SLC25A21: variants seen among roughly 807,000 people sequenced by gnomAD.
The protein encoded by SLC25A21 is solute carrier family 25 member 21.
Under a neutral mutation model 43.8 loss-of-function variants are expected in SLC25A21, and 47 were observed. The observed-to-expected ratio is 1.07, with a 90% confidence interval of 0.85 to 1.37. The LOEUF is 1.37. Ranked by LOEUF, SLC25A21 falls within the 40% of genes most tolerant of loss-of-function variation. The pLI is 0.00. For synonymous variants in SLC25A21, 131 were observed against 121.3 expected (o/e 1.08, Z -0.52); for missense variants, 352 against 350.2 (o/e 1.00, Z -0.04).
At chr14:37,031,321 T>C (rs1961206055) in intron 1 of SLC25A21, among the ~76,000 whole-genome samples, 1 of 152,198 alleles carries the variant, frequency 6.6e-6, no homozygotes, top group South Asian at 2.1e-4. Flanking sequence ...TTAAAGCCTT[T>C]CATGAAAAAA....
In SLC25A21 at chr14:36,678,524, T is replaced by A. The variant is rs1882019264; in HGVS notation, c.*2134A>T. On this transcript the variant is annotated 3_prime_UTR_variant, in exon 10 of 10. Coordinates refer to ENST00000331299, the MANE Select transcript of SLC25A21 (RefSeq NM_030631.4). ...GACTATAAACTGAATGGAACAAAGATCCAATCCAATATTTTGGTGGAGACT... is the reference window on the plus strand; with the variant it reads ...GACTATAAACTGAATGGAACAAAGAACCAATCCAATATTTTGGTGGAGACT... The A allele has an allele frequency of 2.0e-6, 3 of 1,536,886 alleles. No individual in the cohort carries two copies. In the South Asian group the frequency reaches 3.6e-5, roughly 18 times the overall value.
chr14:37,091,264 C>T (rs913932086), intron 1 of SLC25A21, among the ~76,000 whole-genome samples: 2 of 152,082 alleles, frequency 1.3e-5, no homozygotes, highest in African/African-American at 4.8e-5. Context: ...GAAACACCAT[C>T]TCTACTAAAA....
chr14:36,744,358 G>C (rs1885404555), intron 3 of SLC25A21, among the ~76,000 whole-genome samples: 1 of 152,130 alleles, frequency 6.6e-6, no homozygotes, highest in Non-Finnish European at 1.5e-5. Context: ...CAATGGAACA[G>C]AATAGAGAAC....
At chr14:37,056,923 T>TC in intron 1 of SLC25A21, among the ~76,000 whole-genome samples, 1 of 152,308 alleles carries the variant, frequency 6.6e-6, no homozygotes, top group African/African-American at 2.4e-5. Flanking sequence ...CTCATTTTTC[T>TC]CCCTAGAAGC....
chr14:37,068,705 G>A (rs1268441868), intron 1 of SLC25A21, among the ~76,000 whole-genome samples: 1 of 152,090 alleles, frequency 6.6e-6, no homozygotes, highest in African/African-American at 2.4e-5. Flanking sequence ...CTCAATTGAA[G>A]AATGTATTTA....
chr14:37,023,371 T>C (rs1163834398), intron 1 of SLC25A21, among the ~76,000 whole-genome samples: 1 of 151,966 alleles, frequency 6.6e-6, no homozygotes, highest in Non-Finnish European at 1.5e-5. Flanking sequence ...GCTCTAAGAA[T>C]GGAGTGTTTG....
intron 1 of SLC25A21, among the ~76,000 whole-genome samples, chr14:36,938,432 G>GT (rs1363030645): frequency 6.6e-6 from 1 of 152,094 alleles, no homozygotes; most frequent in Non-Finnish European, 1.5e-5. Context: ...GCAAAGTTCT[G>GT]TTTGAGACTC....
chr14:36,932,856 C>T (rs960778088), intron 1 of SLC25A21, among the ~76,000 whole-genome samples: 2 of 151,682 alleles, frequency 1.3e-5, no homozygotes, highest in Non-Finnish European at 2.9e-5. Flanking sequence ...TTGACTATTT[C>T]GTGACTCCAT....
intron 1 of SLC25A21, among the ~76,000 whole-genome samples, chr14:37,133,968 T>C (rs903960469): frequency 4.6e-5 from 7 of 152,132 alleles, no homozygotes; most frequent in African/African-American, 1.7e-4. Flanking sequence ...ATCCTCTCAT[T>C]CCCAAACTCA....
At chr14:37,112,604 A>G (rs556090596) in intron 1 of SLC25A21, among the ~76,000 whole-genome samples, 1 of 152,290 alleles carries the variant, frequency 6.6e-6, no homozygotes, top group East Asian at 1.9e-4. Context: ...TGACCATATA[A>G]CTAAGTTCCA....
intron 3 of SLC25A21, among the ~76,000 whole-genome samples, chr14:36,788,401 G>A (rs1322043820): frequency 1.3e-5 from 2 of 151,250 alleles, no homozygotes; most frequent in Non-Finnish European, 2.9e-5. Flanking sequence ...GCTGCAAACC[G>A]CTGCCACTGC....
chr14:37,098,888 C>T (rs1184769359), intron 1 of SLC25A21, among the ~76,000 whole-genome samples: 1 of 151,798 alleles, frequency 6.6e-6, no homozygotes, highest in African/African-American at 2.4e-5. Context: ...CTGCAGCCTC[C>T]ACCTCCTGGG....
At chr14:37,151,842 C>T (rs1378587145) in intron 1 of SLC25A21, among the ~76,000 whole-genome samples, 2 of 152,272 alleles carry the variant, frequency 1.3e-5, no homozygotes, top group Non-Finnish European at 2.9e-5. Context: ...CAAGACGAGC[C>T]TGGCCAACAT....
At chr14:36,944,051 A>G (rs1185104160) in intron 1 of SLC25A21, among the ~76,000 whole-genome samples, 1 of 152,162 alleles carries the variant, frequency 6.6e-6, no homozygotes, top group African/African-American at 2.4e-5. Context: ...CTGAAATCCC[A>G]AATTCATACA....
At chr14:36,846,289 G>A (rs1594636344) in intron 2 of SLC25A21, among the ~76,000 whole-genome samples, 1 of 152,014 alleles carries the variant, frequency 6.6e-6, no homozygotes, top group Admixed American at 6.6e-5. Flanking sequence ...CCAGAACAAC[G>A]TATTGATATC....
chr14:36,795,664 T>C (rs1207684611), intron 3 of SLC25A21, among the ~76,000 whole-genome samples: 1 of 151,896 alleles, frequency 6.6e-6, no homozygotes, highest in Non-Finnish European at 1.5e-5. Flanking sequence ...TGATGGACAG[T>C]GTGGATCTGT....
chr14:36,914,407 T>C (rs762132122), intron 1 of SLC25A21, among the ~76,000 whole-genome samples: 1 of 152,160 alleles, frequency 6.6e-6, no homozygotes, highest in Non-Finnish European at 1.5e-5. Context: ...AAAAGGATGA[T>C]TAATATAAAC....
intron 1 of SLC25A21, among the ~76,000 whole-genome samples, chr14:36,979,079 C>A (rs141815209): frequency 3.9e-5 from 6 of 152,058 alleles, no homozygotes; most frequent in African/African-American, 1.2e-4. Context: ...CAGAGCAAGA[C>A]CCTGTATCAA....
intron 1 of SLC25A21, among the ~76,000 whole-genome samples, chr14:36,975,590 G>A (rs905965130): frequency 6.6e-6 from 1 of 152,278 alleles, no homozygotes; most frequent in East Asian, 1.9e-4. Flanking sequence ...TAAATCCAAT[G>A]GTTAAAATGT....
Sources: gnomAD v4.1 joint callset for allele counts (sites outside exome capture counted in the v4.1 genomes callset) on GRCh38, gnomAD v4.1.1 for gene constraint, MANE v1.5 for transcripts, NCBI Gene and HGNC (gene_info 2026-07-23, HGNC 2026-07-21) for gene names.